Variants in STON1 observed in about 807,000 individuals in gnomAD.
STON1 encodes stonin 1.
A neutral mutation model predicts 60.9 loss-of-function variants in STON1; 79 were observed. That is an observed-to-expected ratio of 1.30 (90% CI 1.08 to 1.56). The LOEUF (loss-of-function observed/expected upper bound fraction) is 1.56. Among genes scored for constraint, STON1 ranks in the 40% most tolerant of loss-of-function variants. The pLI, the probability that STON1 is intolerant of heterozygous loss-of-function variation, is 0.00. For synonymous variants in STON1, 363 were observed against 306.9 expected (o/e 1.18, Z -1.91); for missense variants, 1,166 against 858.9 (o/e 1.36, Z -4.47).
At chr2:48,577,112 C>T (rs1039999124) in intron 1 of STON1, among the ~76,000 whole-genome samples, 1 of 151,100 alleles carries the variant, frequency 6.6e-6, no homozygotes, top group African/African-American at 2.4e-5. Flanking sequence ...TTCTCCTATT[C>T]TTTATGTTAC....
intron 1 of STON1, among the ~76,000 whole-genome samples, chr2:48,538,246 C>T (rs1241546030): frequency 1.3e-5 from 2 of 152,044 alleles, no homozygotes; most frequent in Admixed American, 6.6e-5. Context: ...CATGAGCCAC[C>T]GTGCCTGGCT....
intron 1 of STON1, among the ~76,000 whole-genome samples, chr2:48,561,056 A>T (rs1420817341): frequency 6.6e-6 from 1 of 152,174 alleles, no homozygotes; most frequent in Non-Finnish European, 1.5e-5. Flanking sequence ...AAAGTGACCC[A>T]GCCCTGGGGC....
At chr2:48,548,488 ATTTTTCTTTTTT>A (rs1215161323) in intron 1 of STON1, among the ~76,000 whole-genome samples, 9 of 140,286 alleles carry the variant, frequency 6.4e-5, no homozygotes, top group East Asian at 4.2e-4. Flanking sequence ...TTCTTCTTTC[ATTTTTCTTTTTT>A]TTTTTCTTTT....
chr2:48,579,829 A>T (rs972923118), intron 1 of STON1, among the ~76,000 whole-genome samples: 10 of 152,158 alleles, frequency 6.6e-5, no homozygotes, highest in Admixed American at 1.3e-4. Context: ...TCCAATTATT[A>T]GTGGGTGGCT....
intron 1 of STON1, among the ~76,000 whole-genome samples, chr2:48,537,568 G>C (rs1402684516): frequency 6.6e-6 from 1 of 152,094 alleles, no homozygotes; most frequent in Non-Finnish European, 1.5e-5. Context: ...TATTGGTCTG[G>C]CTGGGTGTGG....
At chr2:48,536,419 G>A (rs1671430118) in intron 1 of STON1, among the ~76,000 whole-genome samples, 1 of 151,702 alleles carries the variant, frequency 6.6e-6, no homozygotes, top group Admixed American at 6.6e-5. Flanking sequence ...GTGGTGGTGG[G>A]TGCCTATAAT....
At chr2:48,564,126 G>A (rs1453112069) in intron 1 of STON1, among the ~76,000 whole-genome samples, 2 of 152,190 alleles carry the variant, frequency 1.3e-5, no homozygotes, top group Non-Finnish European at 2.9e-5. Flanking sequence ...AAAGGCATTT[G>A]ACCATGGGTA....
intron 1 of STON1, among the ~76,000 whole-genome samples, chr2:48,552,560 C>G (rs1054916545): frequency 6.6e-6 from 1 of 151,734 alleles, no homozygotes. Context: ...GTCAGGAGTT[C>G]GGGACCAGCC....
chr2:48,574,503 G>A (rs1037196903), intron 1 of STON1, among the ~76,000 whole-genome samples: 2 of 152,158 alleles, frequency 1.3e-5, no homozygotes, highest in Admixed American at 6.5e-5. Context: ...GTGAATTCAT[G>A]GTATAAGAAT....
chr2:48,578,270 ACCCAG>A (rs1673636900), intron 1 of STON1, among the ~76,000 whole-genome samples: 1 of 152,124 alleles, frequency 6.6e-6, no homozygotes, highest in South Asian at 2.1e-4. Context: ...GAGCCACTGC[ACCCAG>A]CCTCTTCCAT....
rs73927995 is a variant in STON1, at chr2:48,596,734, C to G, written c.*1432C>G. ...AAATCTGTTCAAAAACAGATTAAGA[C>G]AAACATTTATGATGGTCTGTATCAA... On this transcript the variant is annotated 3_prime_UTR_variant, in exon 4 of 4. Transcript: ENST00000404752. The G allele has an allele frequency of 1.1e-3, 163 of 152,200 alleles. 1 individual carries two copies. The highest frequency in any genetic ancestry group is 3.8e-3 in the African/African-American group (158 of 41,526). The allele number at this position is 152,200 out of a possible 1,614,324, so 9.4% of individuals were successfully genotyped here. A position where few individuals can be genotyped will look rare whatever the true frequency, so the allele number is the denominator to read the frequency against.
intron 3 of STON1, 82 bp from the exon 4 acceptor site, chr2:48,595,146 A>C: frequency 9.2e-7 from 1 of 1,085,594 alleles, no homozygotes; most frequent in Non-Finnish European, 1.4e-6. Flanking sequence ...AGTCTGTGCC[A>C]CATGTATAAA....
chr2:48,571,015 C>T (rs1036294435), intron 1 of STON1, among the ~76,000 whole-genome samples: 1 of 151,914 alleles, frequency 6.6e-6, no homozygotes, highest in African/African-American at 2.4e-5. Context: ...ACCACCACAC[C>T]CAGCTAATTT....
chr2:48,582,437 T>C lies in STON1; in HGVS notation c.1804T>C (p.Cys602Arg). 6.2e-7 allele frequency: 1 copy of C among 1,614,192 alleles called. No individual in the cohort carries two copies. Among genetic ancestry groups the C allele is most frequent in the Non-Finnish European group, 8.5e-7 (1 of 1,180,028 alleles). The change falls in exon 2 of 4, where the codon TGT becomes CGT. Residue 602 changes from cysteine to arginine, a missense_variant. Physicochemically the swap from Cys to Arg is radical, Grantham distance 180. Transcript: ENST00000404752. ...SLKAKMNRRA[C>R]LGSLQELESE... The stretch of plus-strand genomic sequence containing the variant: ...GAAAGCTAAAATGAACCGCCGAGCA[T>C]GTCTGGGGAGTTTACAGGAACTTGA...
At chr2:48,592,595 C>CTATTATTATTATTAT (rs3047606) in intron 3 of STON1, among the ~76,000 whole-genome samples, 94 of 136,566 alleles carry the variant, frequency 6.9e-4, no homozygotes, top group South Asian at 2.0e-3. Flanking sequence ...CCACACCCAG[C>CTATTATTATTATTAT]TATTATTATT....
In STON1 at chr2:48,556,227, C is replaced by G. The variant is rs1377851732; in HGVS notation, c.-47-24360C>G. Reference sequence around the variant, plus strand: ...CTGGCCAGGCGGGGGGCTGACCCCCCCACCTCCCTCCCGGACGGGGCGGCT... The same window carrying G: ...CTGGCCAGGCGGGGGGCTGACCCCCGCACCTCCCTCCCGGACGGGGCGGCT... On this transcript the variant is annotated intron_variant, in intron 1 of 3. Coordinates refer to ENST00000404752, the MANE Select transcript of STON1 (RefSeq NM_006873.4). Among the ~76,000 whole-genome samples, 2 of 35,262 alleles carry G rather than the reference C, an allele frequency of 5.7e-5. 1 individual carries two copies. The highest frequency in any genetic ancestry group is 1.3e-4 in the Non-Finnish European group (2 of 15,712). The allele number at this position is 35,262 out of a possible 152,430, so 23.1% of individuals were successfully genotyped here.
chr2:48,575,760 T>TG lies in STON1; in HGVS notation c.-47-4827_-47-4826insG, dbSNP rs1491194576. ...TAGTTCTATTTTTAGTTTTTGTTTG[T>TG]TTTTTTTTTTTTTTTGAGATGCAGT... On this transcript the variant is annotated intron_variant, in intron 1 of 3. Transcript: ENST00000404752. Among the ~76,000 whole-genome samples the TG allele has an allele frequency of 1.6e-3, 115 of 70,148 alleles. 6 individuals carry two copies. The highest frequency in any genetic ancestry group is 1.3e-3 in the Non-Finnish European group (39 of 29,004). The allele number at this position is 70,148 out of a possible 152,430, so 46.0% of individuals were successfully genotyped here.
intron 2 of STON1, among the ~76,000 whole-genome samples, chr2:48,582,807 A>G (rs144084011): frequency 1.6e-3 from 244 of 152,358 alleles, no homozygotes; most frequent in African/African-American, 5.5e-3. Context: ...ATGCTAGGCT[A>G]GGAATTTGTT....
intron 1 of STON1, among the ~76,000 whole-genome samples, chr2:48,535,985 G>A (rs1671410969): frequency 6.6e-6 from 1 of 152,162 alleles, no homozygotes; most frequent in South Asian, 2.1e-4. Flanking sequence ...TACTTGGGAG[G>A]CTGAGATGGG....
Sources: gnomAD v4.1 joint callset for allele counts (sites outside exome capture counted in the v4.1 genomes callset) on GRCh38, gnomAD v4.1.1 for gene constraint, MANE v1.5 for transcripts, NCBI Gene and HGNC (gene_info 2026-07-23, HGNC 2026-07-21) for gene names.